The following ELMO1 variants were observed in gnomAD, a reference collection of about 807,000 sequenced individuals.
ELMO1 encodes engulfment and cell motility protein 1.
A neutral mutation model predicts 98.9 loss-of-function variants in ELMO1; 26 were observed. That is an observed-to-expected ratio of 0.26 (90% CI 0.19 to 0.36). The LOEUF is 0.36. ELMO1 is among the 10% of genes least tolerant of loss of function. The pLI is 1.00. For synonymous variants in ELMO1, 346 were observed against 346.0 expected, an observed-to-expected ratio of 1.00 and a Z score of 0.00; for missense variants, 627 against 935.2, an observed-to-expected ratio of 0.67 and a Z score of 4.30.
At chr7:36,893,650 AAAG>A (rs1562802952) in intron 17 of ELMO1, among the ~76,000 whole-genome samples, 1 of 152,216 alleles carries the variant, frequency 6.6e-6, no homozygotes, top group East Asian at 1.9e-4. Flanking sequence ...CTCACATTGC[AAAG>A]AAGCTAGGGC....
chr7:37,057,364 G>C (rs1016015882), intron 15 of ELMO1, among the ~76,000 whole-genome samples: 44 of 152,152 alleles, frequency 2.9e-4, no homozygotes, highest in Middle Eastern at 3.2e-3. Flanking sequence ...GACTCCCTTA[G>C]TGATCACCAG....
intron 4 of ELMO1, among the ~76,000 whole-genome samples, chr7:37,287,415 T>A (rs1797448066): frequency 6.6e-6 from 1 of 152,198 alleles, no homozygotes; most frequent in Admixed American, 6.5e-5. Context: ...AGGCTATAGT[T>A]GCTGACCCCT....
intron 16 of ELMO1, among the ~76,000 whole-genome samples, chr7:37,004,074 T>TTA (rs1554388842): frequency 1.3e-5 from 2 of 152,134 alleles, no homozygotes; most frequent in African/African-American, 4.8e-5. Flanking sequence ...ATATTTTTTT[T>TTA]AAATCAATGA....
chr7:36,950,480 C>A (rs1037164609), intron 16 of ELMO1, among the ~76,000 whole-genome samples: 1 of 152,208 alleles, frequency 6.6e-6, no homozygotes, highest in African/African-American at 2.4e-5. Flanking sequence ...GGGCCCCTGG[C>A]CACTCCTATC....
intron 15 of ELMO1, among the ~76,000 whole-genome samples, chr7:37,025,507 T>A (rs1451101297): frequency 1.3e-5 from 2 of 152,162 alleles, no homozygotes; most frequent in African/African-American, 2.4e-5. Context: ...AGATAGCTCT[T>A]CCCAAGGTGT....
chr7:36,867,530 T>C (rs1803126890), intron 20 of ELMO1, among the ~76,000 whole-genome samples: 1 of 152,120 alleles, frequency 6.6e-6, no homozygotes, highest in African/African-American at 2.4e-5. Context: ...CTAAATTTTA[T>C]ATTTCTTTTC....
At chr7:37,261,453 T>TGG (rs1795971055) in intron 5 of ELMO1, among the ~76,000 whole-genome samples, 1 of 152,200 alleles carries the variant, frequency 6.6e-6, no homozygotes, top group Non-Finnish European at 1.5e-5. Context: ...TCTAAAGGTC[T>TGG]GGGGTGGGGT....
intron 13 of ELMO1, among the ~76,000 whole-genome samples, chr7:37,197,682 T>C (rs888160067): frequency 2.6e-5 from 4 of 152,222 alleles, no homozygotes; most frequent in African/African-American, 9.6e-5. Context: ...CACAGGACTC[T>C]TAACTGGTCA....
intron 13 of ELMO1, among the ~76,000 whole-genome samples, chr7:37,199,938 A>AT (rs1286565975): frequency 6.6e-6 from 1 of 152,222 alleles, no homozygotes; most frequent in African/African-American, 2.4e-5. Flanking sequence ...CCCACTGTGC[A>AT]GAGGCCCTGC....
chr7:36,935,624 C>G (rs1786460411), intron 16 of ELMO1, among the ~76,000 whole-genome samples: 1 of 152,210 alleles, frequency 6.6e-6, no homozygotes, highest in Non-Finnish European at 1.5e-5. Flanking sequence ...AGAATTCTCT[C>G]TCAACACTCA....
At chr7:37,348,407 CAG>C (rs1254720143) in intron 1 of ELMO1, among the ~76,000 whole-genome samples, 1 of 152,022 alleles carries the variant, frequency 6.6e-6, no homozygotes, top group Non-Finnish European at 1.5e-5. Flanking sequence ...AAAGAATGGG[CAG>C]AGAATGCTAT....
chr7:37,433,565 C>T lies in ELMO1; in HGVS notation c.-74+15110G>A, dbSNP rs149360229. 7.4e-4 allele frequency among the ~76,000 whole-genome samples: 113 copies of T among 152,118 alleles called. No individual in the cohort carries two copies. In the South Asian group the frequency reaches 0.012, roughly 16 times the overall value. On this transcript the variant is annotated intron_variant, in intron 1 of 21. Transcript: ENST00000310758. ...GACTTCTCTTTTGCTTGGTGTTTCC[C>T]CTTAATATTCACTTCAACCCGATTT...
At chr7:37,192,763 A>G (rs1426067456) in intron 13 of ELMO1, among the ~76,000 whole-genome samples, 3 of 138,256 alleles carry the variant, frequency 2.2e-5, no homozygotes, top group Non-Finnish European at 3.0e-5. Context: ...GCACCACCGC[A>G]CTCCAGCCTG....
At chr7:37,428,301 C>G (rs771373647) in intron 1 of ELMO1, among the ~76,000 whole-genome samples, 12 of 151,928 alleles carry the variant, frequency 7.9e-5, no homozygotes, top group Non-Finnish European at 1.3e-4. Flanking sequence ...AATGGTGCAG[C>G]CTGTCCCTAA....
chr7:36,991,401 T>G (rs1791869865), intron 16 of ELMO1, among the ~76,000 whole-genome samples: 1 of 152,230 alleles, frequency 6.6e-6, no homozygotes, highest in Non-Finnish European at 1.5e-5. Flanking sequence ...GGGTCAGAGG[T>G]GTAGCCACTA....
intron 1 of ELMO1, among the ~76,000 whole-genome samples, chr7:37,438,522 C>T (rs1805252176): frequency 6.6e-6 from 1 of 151,736 alleles, no homozygotes; most frequent in South Asian, 2.1e-4. Context: ...ATGGCGTGAA[C>T]CCGGGAGGCG....
At chr7:37,130,696 G>A (rs1293659579) in intron 14 of ELMO1, among the ~76,000 whole-genome samples, 1 of 152,136 alleles carries the variant, frequency 6.6e-6, no homozygotes, top group Non-Finnish European at 1.5e-5. Context: ...GTGGGTGAGG[G>A]ACCATGATAC....
At chr7:37,325,527 C>T (rs916616588) in intron 2 of ELMO1, among the ~76,000 whole-genome samples, 2 of 152,098 alleles carry the variant, frequency 1.3e-5, no homozygotes, top group African/African-American at 2.4e-5. Context: ...TTCTGTCCAG[C>T]GATAGCCTCA....
At position 36,881,372 on chromosome 7, in the gene ELMO1, T is replaced by G. The variant is rs562027296; in HGVS notation, c.1715-3255A>C. On this transcript the variant is annotated intron_variant, in intron 18 of 21. Transcript: ENST00000310758. The stretch of plus-strand genomic sequence containing the variant: ...CACCAGCAGCAGCTTGATTTGCAGT[T>G]TCTTTTACGGCAAGACAAATGTGTA... Among the ~76,000 whole-genome samples the G allele has an allele frequency of 1.9e-3, 297 of 152,314 alleles. 2 individuals carry two copies. The highest frequency in any genetic ancestry group is 6.8e-3 in the Middle Eastern group (2 of 294).
Sources: allele counts gnomAD v4.1 joint callset (sites outside exome capture counted in the v4.1 genomes callset), GRCh38; gene constraint gnomAD v4.1.1; transcripts MANE v1.5; gene names NCBI Gene and HGNC (gene_info 2026-07-23, HGNC 2026-07-21).